CCDC32: variants seen among roughly 807,000 people sequenced by gnomAD.
CCDC32 encodes coiled-coil domain containing 32, also known as coiled-coil domain-containing protein 32.
In CCDC32, 9 loss-of-function variants were observed where a neutral mutation model predicts 20.1. That is an observed-to-expected ratio of 0.45 (90% CI 0.27 to 0.78). CCDC32 has a LOEUF of 0.78. Ranked by LOEUF, CCDC32 falls within the 30% of genes least tolerant of loss-of-function variation. The pLI is 0.16. For synonymous variants in CCDC32, 63 were observed against 79.0 expected (o/e 0.80, Z 1.07); for missense variants, 204 against 215.5 (o/e 0.95, Z 0.33).
At chr15:40,547,706 C>T (rs1217247051) in intron 3 of CCDC32, among the ~76,000 whole-genome samples, 1 of 152,206 alleles carries the variant, frequency 6.6e-6, no homozygotes, top group Non-Finnish European at 1.5e-5. Flanking sequence ...TTTGTTACCC[C>T]TCCCGCCATG....
downstream of CCDC32, among the ~76,000 whole-genome samples, chr15:40,552,501 AAG>A (rs1555414534): frequency 4.2e-5 from 6 of 141,624 alleles, no homozygotes; most frequent in African/African-American, 1.5e-4. Context: ...AAAAAAAAAA[AAG>A]AGGAAAGTAT....
At chr15:40,552,729 A>G (rs1889944549), downstream of CCDC32, 1 of 120,712 alleles carries the variant, frequency 8.3e-6, no homozygotes, top group Non-Finnish European at 1.6e-5. Context: ...GAACTATATG[A>G]TTGTACCATT....
chr15:40,549,634 A>C (rs557376531), downstream of CCDC32, among the ~76,000 whole-genome samples: 15 of 152,250 alleles, frequency 9.9e-5, no homozygotes, highest in East Asian at 2.9e-3. Context: ...TTTATTTAAC[A>C]CCATGCACCA....
chr15:40,557,358 T>C lies in CCDC32; in HGVS notation c.259A>G (p.Arg87Gly). 6.2e-7 allele frequency: 1 copy of C among 1,611,400 alleles called. No homozygotes were observed. Among genetic ancestry groups the C allele is most frequent in the Non-Finnish European group, 8.5e-7 (1 of 1,179,198 alleles). ...ACTTCCTGATTTAAACCTTTGATTC[T>C]TCTTAGCTTCTTCTCTAGAGAGAGA... ...YLASLEKKLR[R>G]IKGLNQEVTS... The change falls in exon 3 of 4, where the codon AGA becomes GGA. Residue 87 changes from arginine to glycine, a missense_variant. Coordinates refer to ENST00000416810, the MANE Select transcript of CCDC32 (RefSeq NM_001080792.4).
chr15:40,533,011 C>T (rs868607856), downstream of CCDC32, among the ~76,000 whole-genome samples: 5 of 151,912 alleles, frequency 3.3e-5, no homozygotes, highest in African/African-American at 1.2e-4. Context: ...GGCCAATTTA[C>T]AATATTATAT....
chr15:40,543,193 T>C (rs1002436247), intron 3 of CCDC32, among the ~76,000 whole-genome samples: 1 of 151,752 alleles, frequency 6.6e-6, no homozygotes, highest in Non-Finnish European at 1.5e-5. Context: ...AAAGAATGCC[T>C]GTAGCATAAA....
intron 3 of CCDC32, among the ~76,000 whole-genome samples, chr15:40,545,805 C>T (rs1889594841): frequency 6.6e-6 from 1 of 152,182 alleles, no homozygotes; most frequent in South Asian, 2.1e-4. Flanking sequence ...CACTTCCCTC[C>T]ACTCAGTGAC....
intron 3 of CCDC32, among the ~76,000 whole-genome samples, chr15:40,544,508 G>A (rs923930327): frequency 6.6e-6 from 1 of 152,116 alleles, no homozygotes; most frequent in Non-Finnish European, 1.5e-5. Context: ...CTAAACCACT[G>A]TGCGGAGCCC....
At chr15:40,530,467 C>G (rs373863692), downstream of CCDC32, among the ~76,000 whole-genome samples, 70 of 150,162 alleles carry the variant, frequency 4.7e-4, 1 homozygote, top group African/African-American at 1.6e-3. Flanking sequence ...GGCACCTCCT[C>G]TCTCTTTTTC....
intron 3 of CCDC32, 67 bp downstream of exon 3, chr15:40,557,149 G>T: frequency 6.6e-7 from 1 of 1,526,588 alleles, no homozygotes; most frequent in African/African-American, 1.4e-5. Context: ...CTACTGCTGG[G>T]CTAAAAACAA....
At chr15:40,547,011 GCA>G (rs758696198) in intron 3 of CCDC32, among the ~76,000 whole-genome samples, 6 of 152,056 alleles carry the variant, frequency 3.9e-5, no homozygotes, top group Admixed American at 6.6e-5. Context: ...CCTATGTTTT[GCA>G]GTTTTTTAAC....
chr15:40,558,635 C>T (rs1303625972), intron 2 of CCDC32, among the ~76,000 whole-genome samples: 2 of 152,028 alleles, frequency 1.3e-5, no homozygotes, highest in Non-Finnish European at 2.9e-5. Context: ...CAGGCACTAA[C>T]ACGTCCCTTC....
downstream of CCDC32, among the ~76,000 whole-genome samples, chr15:40,550,922 A>G (rs935267402): frequency 6.6e-6 from 1 of 152,232 alleles, no homozygotes; most frequent in Non-Finnish European, 1.5e-5. Context: ...CAGAAACACT[A>G]TTTTCGGGTA....
chr15:40,527,288 A>G (rs1894911412), downstream of CCDC32, among the ~76,000 whole-genome samples: 1 of 152,056 alleles, frequency 6.6e-6, no homozygotes, highest in African/African-American at 2.4e-5. Flanking sequence ...CTCCTGCCTC[A>G]GCCTTCCGAG....
intron 3 of CCDC32, among the ~76,000 whole-genome samples, chr15:40,544,265 G>A (rs1034806936): frequency 2.0e-5 from 3 of 152,182 alleles, no homozygotes; most frequent in Admixed American, 1.3e-4. Flanking sequence ...CCAGGATAGG[G>A]TGCGGTAGGG....
intron 3 of CCDC32, among the ~76,000 whole-genome samples, chr15:40,541,154 G>A (rs1040750861): frequency 6.6e-6 from 1 of 152,200 alleles, no homozygotes. Flanking sequence ...TCTGGTACAT[G>A]CTCAGTTTCC....
Position 40,557,272 on chromosome 15 carries a change from G to A in CCDC32, c.345C>T (p.Phe115=). ...AQAKKECWDR[F]LQEKLASEFF... is the part of the protein sequence containing the mutation. Reference sequence around the variant, plus strand: ...ACTCTGAAGCTAACTTCTCCTGGAGGAACCGATCCCAGCATTCCTTCTTGG... The same window carrying A: ...ACTCTGAAGCTAACTTCTCCTGGAGAAACCGATCCCAGCATTCCTTCTTGG... Residue 115 remains phenylalanine, a synonymous_variant, in exon 3 of 4, where the codon TTC becomes TTT. Transcript: ENST00000416810. The A allele has an allele frequency of 1.2e-6, 2 of 1,614,174 alleles. No individual in the cohort carries two copies. Among genetic ancestry groups the A allele is most frequent in the South Asian group, 1.1e-5 (1 of 91,066 alleles).
At chr15:40,536,530 A>T (rs990738407), downstream of CCDC32, 1 of 152,264 alleles carries the variant, frequency 6.6e-6, no homozygotes, top group Non-Finnish European at 1.5e-5. Context: ...CCAAGCCATG[A>T]TTTTCTCAGA....
downstream of CCDC32, among the ~76,000 whole-genome samples, chr15:40,530,526 A>ATCT (rs1888841081): frequency 4.5e-5 from 1 of 22,008 alleles, no homozygotes; most frequent in African/African-American, 2.0e-4. Flanking sequence ...AGAGCCTGGC[A>ATCT]CCTCCTCTCT....
Sources: gnomAD v4.1 joint callset for allele counts (sites outside exome capture counted in the v4.1 genomes callset) on GRCh38, gnomAD v4.1.1 for gene constraint, MANE v1.5 for transcripts, NCBI Gene and HGNC (gene_info 2026-07-23, HGNC 2026-07-21) for gene names.